Variants in CACNA2D1 observed in about 807,000 individuals in gnomAD.
CACNA2D1 encodes calcium voltage-gated channel auxiliary subunit alpha2delta 1.
CACNA2D1 carries 53 observed loss-of-function variants against 171.5 expected under a neutral mutation model. The observed-to-expected ratio is 0.31, with a 90% CI of 0.25 to 0.39. The LOEUF (loss-of-function observed/expected upper bound fraction) is 0.39. Among genes scored for constraint, CACNA2D1 ranks in the 10% least tolerant of loss-of-function variants. The pLI is 1.00. For missense variants in CACNA2D1, 903 were observed against 1,299.8 expected, an observed-to-expected ratio of 0.69 and a Z score of 4.69; for synonymous variants, 442 against 443.1, an observed-to-expected ratio of 1.00 and a Z score of 0.03.
At chr7:82,245,099 G>A (rs1406510920) in intron 3 of CACNA2D1, among the ~76,000 whole-genome samples, 1 of 152,180 alleles carries the variant, frequency 6.6e-6, no homozygotes, top group East Asian at 1.9e-4. Flanking sequence ...CAACAGCTCA[G>A]AGCCGATTTT....
chr7:82,044,737 C>A (rs922371249), intron 10 of CACNA2D1, among the ~76,000 whole-genome samples: 2 of 152,018 alleles, frequency 1.3e-5, no homozygotes, highest in Admixed American at 6.6e-5. Context: ...GCTGTGCGCT[C>A]CAAAATTTTG....
intron 1 of CACNA2D1, 29 bp from the exon 2 acceptor site, chr7:82,349,678 A>C (rs1279098946): frequency 6.5e-7 from 1 of 1,529,480 alleles, no homozygotes; most frequent in Non-Finnish European, 9.1e-7. Context: ...ATTATGTTCT[A>C]TCAGATCTCT....
At chr7:82,073,711 C>T (rs1300142636) in intron 7 of CACNA2D1, among the ~76,000 whole-genome samples, 1 of 152,092 alleles carries the variant, frequency 6.6e-6, no homozygotes, top group Non-Finnish European at 1.5e-5. Context: ...AGTGATTCTC[C>T]TGCCTCAGCC....
At chr7:82,382,037 A>G (rs2299184) in intron 1 of CACNA2D1, among the ~76,000 whole-genome samples, 39,449 of 152,104 alleles carry the variant, frequency 0.26, 5,643 homozygotes, top group Middle Eastern at 0.37. Context: ...AGAAAAAAAC[A>G]TATCAGGGAG....
At chr7:82,140,912 G>A (rs902602161) in intron 4 of CACNA2D1, among the ~76,000 whole-genome samples, 2 of 137,392 alleles carry the variant, frequency 1.5e-5, no homozygotes, top group Admixed American at 7.7e-5. Flanking sequence ...CTGAGATCAC[G>A]CCACTGCACT....
chr7:82,098,739 ACTCTTCTGCAATTCACTTG>A lies in CACNA2D1; in HGVS notation c.527-13858_527-13840del, dbSNP rs545992586. Among the ~76,000 whole-genome samples the A allele has an allele frequency of 4.6e-5, 7 of 152,114 alleles. No homozygotes were observed. The South Asian group carries it at 8.3e-4, about 18-fold the overall frequency. On this transcript the variant is annotated intron_variant, in intron 6 of 38. Coordinates refer to ENST00000356860, the MANE Select transcript of CACNA2D1 (RefSeq NM_000722.4). ...ATAGTCTCCTCACCATCAATGCGTG[ACTCTTCTGCAATTCACTTG>A]CACCTCTGGCTTTCTGAAATGATTT...
At chr7:81,994,279 T>C (rs2130771414) in intron 20 of CACNA2D1, among the ~76,000 whole-genome samples, 1 of 152,190 alleles carries the variant, frequency 6.6e-6, no homozygotes, top group East Asian at 1.9e-4. Context: ...ATAGATATAC[T>C]CCAATATGAT....
intron 7 of CACNA2D1, among the ~76,000 whole-genome samples, chr7:82,070,297 C>G (rs1389879585): frequency 6.6e-6 from 1 of 152,128 alleles, no homozygotes; most frequent in Non-Finnish European, 1.5e-5. Flanking sequence ...TTATCTGCTC[C>G]CGAATAAAAC....
intron 2 of CACNA2D1, among the ~76,000 whole-genome samples, chr7:82,341,964 G>C (rs1818700269): frequency 2.1e-5 from 3 of 146,176 alleles, no homozygotes; most frequent in Non-Finnish European, 4.5e-5. Flanking sequence ...TGAGGCAGGA[G>C]AATGGCGTGA....
chr7:82,393,440 CA>C (rs565094208), intron 1 of CACNA2D1, among the ~76,000 whole-genome samples: 148 of 151,900 alleles, frequency 9.7e-4, no homozygotes, highest in African/African-American at 3.4e-3. Flanking sequence ...AAAATATAAA[CA>C]AAAATAAAAG....
intron 4 of CACNA2D1, among the ~76,000 whole-genome samples, chr7:82,162,700 C>G (rs1795070630): frequency 6.6e-6 from 1 of 151,948 alleles, no homozygotes; most frequent in Non-Finnish European, 1.5e-5. Context: ...GACATCTTTT[C>G]TGACTAAGCT....
chr7:82,172,651 G>A (rs1331493575), intron 3 of CACNA2D1, among the ~76,000 whole-genome samples: 2 of 136,004 alleles, frequency 1.5e-5, no homozygotes, highest in Admixed American at 1.5e-4. Context: ...GGTAAAGATG[G>A]GGTCTCAAAC....
At chr7:82,404,196 G>A (rs1387775431) in intron 1 of CACNA2D1, among the ~76,000 whole-genome samples, 3 of 152,098 alleles carry the variant, frequency 2.0e-5, no homozygotes, top group Non-Finnish European at 2.9e-5. Flanking sequence ...AAACTCTGGA[G>A]CCAAAAGAAA....
chr7:82,029,770 A>G (rs554574379), intron 12 of CACNA2D1: 2 of 151,892 alleles, frequency 1.3e-5, no homozygotes, highest in African/African-American at 2.4e-5. Flanking sequence ...TATATGTATT[A>G]CTGTGTATCA....
At chr7:82,149,347 A>G (rs1290592818) in intron 4 of CACNA2D1, among the ~76,000 whole-genome samples, 1 of 152,164 alleles carries the variant, frequency 6.6e-6, no homozygotes, top group Non-Finnish European at 1.5e-5. Context: ...GGATTTGAGC[A>G]TCATTTATTT....
intron 3 of CACNA2D1, among the ~76,000 whole-genome samples, chr7:82,304,842 T>C (rs528996045): frequency 1.7e-4 from 26 of 152,232 alleles, no homozygotes; most frequent in African/African-American, 5.8e-4. Flanking sequence ...ATGTATTGTA[T>C]ATCTCGAAAT....
At chr7:82,168,319 T>A (rs1460139357) in intron 4 of CACNA2D1, among the ~76,000 whole-genome samples, 1 of 152,064 alleles carries the variant, frequency 6.6e-6, no homozygotes, top group Non-Finnish European at 1.5e-5. Flanking sequence ...AATTTTTGTA[T>A]TTTTAGTGGA....
chr7:82,038,918 G>C (rs557365631), intron 10 of CACNA2D1, among the ~76,000 whole-genome samples: 1 of 152,182 alleles, frequency 6.6e-6, no homozygotes, highest in African/African-American at 2.4e-5. Flanking sequence ...ATTTAAGAAC[G>C]ATCATCAAAG....
intron 4 of CACNA2D1, among the ~76,000 whole-genome samples, chr7:82,152,747 G>T (rs1031263382): frequency 6.6e-6 from 1 of 151,936 alleles, no homozygotes; most frequent in Non-Finnish European, 1.5e-5. Context: ...CTTAGAAAAT[G>T]TAATTACCCA....
Sources: allele counts gnomAD v4.1 joint callset (sites outside exome capture counted in the v4.1 genomes callset), GRCh38; gene constraint gnomAD v4.1.1; transcripts MANE v1.5; gene names NCBI Gene and HGNC (gene_info 2026-07-23, HGNC 2026-07-21).